MAP3K5: variants seen among roughly 807,000 people sequenced by gnomAD.
MAP3K5 encodes ASK-1.
MAP3K5 carries 56 observed loss-of-function variants against 158.7 expected under a neutral mutation model. That is an observed-to-expected ratio of 0.35 (90% CI 0.28 to 0.44). The LOEUF (loss-of-function observed/expected upper bound fraction) is 0.44, where lower values mean the gene tolerates loss of function less well. Ranked by LOEUF, MAP3K5 falls within the 20% of genes least tolerant of loss-of-function variation. MAP3K5 has a pLI of 1.00. For missense variants in MAP3K5, 1,294 were observed against 1,674.8 expected (o/e 0.77, Z 3.97); for synonymous variants, 579 against 601.7 (o/e 0.96, Z 0.55).
rs1458813028 is a variant in MAP3K5, at chr6:136,642,076, AAAATAAAATAAAATAAAATT to A, written c.1838+424_1838+443del. On this transcript the variant is annotated intron_variant, in intron 12 of 29. Transcript: ENST00000359015. ...AAAATAAAATAAAATAAAATAAAATAAAATAAAATAAAATAAAATTAGTGGCAGGACACAGTGTAGTAGAC... is the reference window on the plus strand; with the variant it reads ...AAAATAAAATAAAATAAAATAAAATAAGTGGCAGGACACAGTGTAGTAGAC... Among the ~76,000 whole-genome samples the A allele has an allele frequency of 4.1e-5, 6 of 147,444 alleles. No individual in the cohort carries two copies. The East Asian group carries it at 1.0e-3, about 25-fold the overall frequency.
intron 8 of MAP3K5, among the ~76,000 whole-genome samples, chr6:136,669,025 T>C (rs2114522134): frequency 6.6e-6 from 1 of 152,318 alleles, no homozygotes; most frequent in South Asian, 2.1e-4. Flanking sequence ...ATCCTCAATA[T>C]TAGTTTGAGC....
At chr6:136,575,645 G>T (rs1416153227) in intron 25 of MAP3K5, among the ~76,000 whole-genome samples, 1 of 152,036 alleles carries the variant, frequency 6.6e-6, no homozygotes, top group Non-Finnish European at 1.5e-5. Context: ...GAGGAGTATT[G>T]GTCAGGTTTT....
intron 7 of MAP3K5, among the ~76,000 whole-genome samples, chr6:136,681,713 G>A (rs536254428): frequency 5.9e-5 from 9 of 152,238 alleles, no homozygotes; most frequent in South Asian, 2.1e-4. Flanking sequence ...TCAGGAGATC[G>A]AGGCCATCCT....
rs1562702479 is a variant in MAP3K5, at chr6:136,782,058, A to AGG, written c.448+9651_448+9652insCC. 2.3e-4 allele frequency among the ~76,000 whole-genome samples: 35 copies of AGG among 149,690 alleles called. 2 individuals are homozygous for AGG. The highest frequency in any genetic ancestry group is 9.9e-4 in the Admixed American group (15 of 15,126). On this transcript the variant is annotated intron_variant, in intron 1 of 29. Coordinates refer to ENST00000359015, the MANE Select transcript of MAP3K5 (RefSeq NM_005923.4). Reference sequence around the variant, plus strand: ...AGGCAAAACCCTGTCTCTACTGGAAAAAAAAAAAAAAAAAGGGTATTTGAC... The same window carrying AGG: ...AGGCAAAACCCTGTCTCTACTGGAAAGGAAAAAAAAAAAAAAGGGTATTTGAC...
In MAP3K5 at chr6:136,622,966, C is replaced by G. The variant is rs781765627; in HGVS notation, c.2032G>C (p.Asp678His). The G allele has an allele frequency of 7.4e-6, 12 of 1,613,836 alleles. 1 individual carries two copies. In the South Asian group the frequency reaches 1.3e-4, roughly 18 times the overall value. The change falls in exon 15 of 30, where the codon GAT (aspartate) becomes CAT (histidine). Residue 678 changes from aspartate (D) to histidine (H), a missense_variant. This residue lies in a region of MAP3K5 where 690 missense variants were observed against 870.5 expected (regional missense o/e 0.79). Coordinates refer to ENST00000359015, the MANE Select transcript of MAP3K5 (RefSeq NM_005923.4). ...AAAACGACTCTGTCACCATTTTCAT[C>G]ATATTCATAGTCATACTACAAAAGG... ...SDLLEYDYEY[D>H]ENGDRVVLGK...
At position 136,723,828 on chromosome 6, in the gene MAP3K5, T is replaced by C. The variant is rs117264729; in HGVS notation, c.449-3239A>G. Among the ~76,000 whole-genome samples, 78 of 152,302 alleles carry C rather than the reference T, an allele frequency of 5.1e-4. 2 individuals are homozygous for C. The East Asian group carries it at 0.014, about 28-fold the overall frequency. On this transcript the variant is annotated intron_variant, in intron 1 of 29. Coordinates refer to ENST00000359015, the MANE Select transcript of MAP3K5 (RefSeq NM_005923.4). ...CAGGTCAAAGGAGCTTCAGAAGTTT[T>C]TTTTCCCCCCTCAAGGCTAAAAATG...
chr6:136,607,718 T>A (rs1446251287), intron 18 of MAP3K5, among the ~76,000 whole-genome samples: 1 of 152,212 alleles, frequency 6.6e-6, no homozygotes. Flanking sequence ...TAATGTCACA[T>A]TTCATTCATT....
At chr6:136,672,565 G>C (rs1340882364) in intron 7 of MAP3K5, among the ~76,000 whole-genome samples, 1 of 152,210 alleles carries the variant, frequency 6.6e-6, no homozygotes, top group Admixed American at 6.5e-5. Flanking sequence ...GACATTCGTT[G>C]AATGCTGAGT....
intron 1 of MAP3K5, among the ~76,000 whole-genome samples, chr6:136,728,744 A>G (rs1782082251): frequency 6.6e-6 from 1 of 152,162 alleles, no homozygotes; most frequent in African/African-American, 2.4e-5. Flanking sequence ...TCCCCAACCC[A>G]GCCCTAATTT....
At chr6:136,708,591 G>A (rs1781175491) in intron 2 of MAP3K5, among the ~76,000 whole-genome samples, 2 of 152,008 alleles carry the variant, frequency 1.3e-5, no homozygotes, top group African/African-American at 4.8e-5. Context: ...GCATTTAGGT[G>A]GCTACTGAAA....
chr6:136,700,250 G>C (rs761874901), intron 3 of MAP3K5, among the ~76,000 whole-genome samples: 1 of 152,194 alleles, frequency 6.6e-6, no homozygotes, highest in Non-Finnish European at 1.5e-5. Context: ...CAGGTAACAA[G>C]ATGCACTAAA....
intron 23 of MAP3K5, among the ~76,000 whole-genome samples, chr6:136,586,137 C>T (rs539194955): frequency 4.6e-5 from 7 of 152,318 alleles, no homozygotes; most frequent in Admixed American, 2.6e-4. Context: ...TTTAAAATCA[C>T]AATGGGAACC....
At chr6:136,695,844 T>C (rs190500213) in intron 6 of MAP3K5, 107 bp downstream of exon 6, 5 of 584,698 alleles carry the variant, frequency 8.6e-6, no homozygotes, top group Admixed American at 3.4e-5. Flanking sequence ...ATATTACATT[T>C]TAATAGGGAC....
At chr6:136,634,469 C>T (rs960880224) in intron 14 of MAP3K5, among the ~76,000 whole-genome samples, 3 of 152,178 alleles carry the variant, frequency 2.0e-5, no homozygotes, top group African/African-American at 7.2e-5. Flanking sequence ...ATTCTTCCTA[C>T]AGGCTCTAAA....
chr6:136,711,906 G>A (rs934738273), intron 2 of MAP3K5, among the ~76,000 whole-genome samples: 24 of 152,094 alleles, frequency 1.6e-4, no homozygotes, highest in African/African-American at 5.1e-4. Context: ...TTACACCTCT[G>A]TTATTCATGA....
chr6:136,726,544 G>T (rs1781974773), intron 1 of MAP3K5, among the ~76,000 whole-genome samples: 1 of 151,926 alleles, frequency 6.6e-6, no homozygotes, highest in South Asian at 2.1e-4. Flanking sequence ...AGTGAGCCAA[G>T]ATCACATGAC....
chr6:136,684,586 T>G (rs1479456463), intron 7 of MAP3K5, among the ~76,000 whole-genome samples: 1 of 152,126 alleles, frequency 6.6e-6, no homozygotes, highest in Admixed American at 6.6e-5. Flanking sequence ...CTTCAGAAAC[T>G]TGATGGCTGT....
chr6:136,741,421 A>G (rs959334981), intron 1 of MAP3K5, among the ~76,000 whole-genome samples: 4 of 152,074 alleles, frequency 2.6e-5, no homozygotes, highest in Non-Finnish European at 4.4e-5. Context: ...AACCACTTCT[A>G]ATTGCTAACT....
chr6:136,618,535 T>C (rs1776664858), intron 15 of MAP3K5, among the ~76,000 whole-genome samples: 1 of 152,238 alleles, frequency 6.6e-6, no homozygotes, highest in Admixed American at 6.5e-5. Context: ...TTCCAAGTGT[T>C]CACCTAAATC....
Sources: gnomAD v4.1 joint callset for allele counts (sites outside exome capture counted in the v4.1 genomes callset) on GRCh38, gnomAD v4.1.1 for gene constraint, gnomAD v4.1.1 regional missense constraint, MANE v1.5 for transcripts, NCBI Gene and HGNC (gene_info 2026-07-23, HGNC 2026-07-21) for gene names.